PTPRN2: variants seen among roughly 807,000 people sequenced by gnomAD.
PTPRN2 encodes the protein receptor-type tyrosine-protein phosphatase N2.
PTPRN2 carries 74 observed loss-of-function variants against 118.8 expected under a neutral mutation model. The ratio of observed to expected loss-of-function variants is 0.62; its 90% CI spans 0.52 to 0.76. The LOEUF (loss-of-function observed/expected upper bound fraction) is 0.76. PTPRN2 is among the 30% of genes least tolerant of loss of function. PTPRN2 has a pLI of 0.00. For synonymous variants in PTPRN2, 641 were observed against 608.0 expected (o/e 1.05, Z -0.80); for missense variants, 1,481 against 1,394.4 (o/e 1.06, Z -0.99).
At chr7:158,128,969 T>G (rs978665457) in intron 9 of PTPRN2, among the ~76,000 whole-genome samples, 5 of 147,402 alleles carry the variant, frequency 3.4e-5, no homozygotes, top group Non-Finnish European at 5.9e-5. Context: ...ACACACAACA[T>G]ACCCCACACC....
chr7:158,329,559 T>G (rs1385288268), intron 2 of PTPRN2, among the ~76,000 whole-genome samples: 1 of 152,176 alleles, frequency 6.6e-6, no homozygotes, highest in Non-Finnish European at 1.5e-5. Context: ...AGGAGGGGAC[T>G]CGCCAGACAC....
intron 12 of PTPRN2, among the ~76,000 whole-genome samples, chr7:157,800,154 A>G (rs1378560691): frequency 4.7e-5 from 7 of 147,930 alleles, no homozygotes; most frequent in Non-Finnish European, 8.9e-5. Context: ...CGGCCTCCCC[A>G]TCCCTCAGAG....
chr7:157,630,041 A>G (rs1803844166), intron 14 of PTPRN2, among the ~76,000 whole-genome samples: 1 of 152,224 alleles, frequency 6.6e-6, no homozygotes, highest in Non-Finnish European at 1.5e-5. Context: ...GGAAATATTC[A>G]TGTTAAATTT....
At chr7:158,074,519 A>G (rs1812197003) in intron 11 of PTPRN2, among the ~76,000 whole-genome samples, 1 of 152,156 alleles carries the variant, frequency 6.6e-6, no homozygotes, top group South Asian at 2.1e-4. Flanking sequence ...TGGCATTTCT[A>G]TGGGTGTTTA....
intron 12 of PTPRN2, among the ~76,000 whole-genome samples, chr7:157,722,845 C>T (rs927767909): frequency 1.3e-5 from 2 of 152,066 alleles, no homozygotes; most frequent in African/African-American, 2.4e-5. Flanking sequence ...TCTGCTCCCA[C>T]GGGTTCGATG....
intron 2 of PTPRN2, among the ~76,000 whole-genome samples, chr7:158,486,889 T>C (rs1586781936): frequency 6.6e-6 from 1 of 152,208 alleles, no homozygotes; most frequent in Non-Finnish European, 1.5e-5. Context: ...CCAGAACTCT[T>C]CCATCGTCCC....
chr7:158,135,336 C>T (rs1351316200), intron 8 of PTPRN2, among the ~76,000 whole-genome samples: 1 of 152,136 alleles, frequency 6.6e-6, no homozygotes, highest in African/African-American at 2.4e-5. Context: ...AAACACTGCT[C>T]AAATTTGGAT....
intron 12 of PTPRN2, among the ~76,000 whole-genome samples, chr7:157,697,580 C>T (rs769053607): frequency 2.3e-5 from 3 of 129,814 alleles, no homozygotes; most frequent in East Asian, 2.4e-4. Context: ...TGGGTCTTGG[C>T]AGAGCCCTCA....
intron 11 of PTPRN2, among the ~76,000 whole-genome samples, chr7:157,979,891 CCAGAG>C (rs1236137391): frequency 6.6e-6 from 1 of 152,182 alleles, no homozygotes; most frequent in African/African-American, 2.4e-5. Flanking sequence ...AGTCCCAGAG[CCAGAG>C]CCCCCGACTG....
intron 1 of PTPRN2, among the ~76,000 whole-genome samples, chr7:158,534,401 T>C (rs575368841): frequency 6.6e-6 from 1 of 151,568 alleles, no homozygotes; most frequent in East Asian, 2.0e-4. Flanking sequence ...GTGCAGGTTG[T>C]GACCACCCAT....
chr7:158,469,093 C>T (rs1733141), intron 2 of PTPRN2, among the ~76,000 whole-genome samples: 93,361 of 138,184 alleles, frequency 0.68, 31,857 homozygotes, highest in Admixed American at 0.76. Context: ...CTATGCACAC[C>T]CATGCACACT....
intron 16 of PTPRN2, among the ~76,000 whole-genome samples, chr7:157,597,118 G>C (rs375279035): frequency 6.6e-6 from 1 of 152,194 alleles, no homozygotes; most frequent in African/African-American, 2.4e-5. Context: ...CCATAAAAGA[G>C]GGGCGAGCAT....
intron 1 of PTPRN2, among the ~76,000 whole-genome samples, chr7:158,549,439 C>G (rs1826502240): frequency 6.6e-6 from 1 of 152,242 alleles, no homozygotes; most frequent in Non-Finnish European, 1.5e-5. Context: ...CCCCTGAACC[C>G]CAGGGATGGC....
intron 11 of PTPRN2, among the ~76,000 whole-genome samples, chr7:158,053,071 GCA>G (rs932009251): frequency 6.6e-6 from 1 of 152,202 alleles, no homozygotes; most frequent in African/African-American, 2.4e-5. Context: ...ACCCCCAGAA[GCA>G]CAGTCTCTCT....
In PTPRN2 at chr7:157,874,449, C is replaced by T. The variant is rs1258492468; in HGVS notation, c.1788+24224G>A. Among the ~76,000 whole-genome samples, 1 of 152,256 alleles carries T rather than the reference C, an allele frequency of 6.6e-6. No homozygotes were observed. The highest frequency in any genetic ancestry group is 2.4e-5 in the African/African-American group (1 of 41,468). The stretch of plus-strand genomic sequence containing the variant: ...CCGATCCTGCCTCTGCTTCTGTCCA[C>T]ATGGCCCCAGCCACAGTGCCTTCCT... On this transcript the variant is annotated intron_variant, in intron 12 of 22. Transcript: ENST00000389418. The surrounding 1 kb of genome is among the most constrained non-coding windows in gnomAD (Gnocchi z 5.8).
chr7:157,685,815 C>A (rs1317681376), intron 12 of PTPRN2, among the ~76,000 whole-genome samples: 1 of 152,192 alleles, frequency 6.6e-6, no homozygotes, highest in Non-Finnish European at 1.5e-5. Context: ...TCCCAGGAGT[C>A]CCCGGAGGGG....
At chr7:158,035,005 T>C (rs1479972744) in intron 11 of PTPRN2, among the ~76,000 whole-genome samples, 1 of 152,258 alleles carries the variant, frequency 6.6e-6, no homozygotes, top group Non-Finnish European at 1.5e-5. Flanking sequence ...CTGGGATCAA[T>C]TTAGTAAATT....
At position 157,813,105 on chromosome 7, in the gene PTPRN2, G is replaced by A. The variant is rs370423316; in HGVS notation, c.1788+85568C>T. 4.0e-4 allele frequency among the ~76,000 whole-genome samples: 61 copies of A among 152,202 alleles called. 1 individual carries two copies. The East Asian group carries it at 7.5e-3, about 19-fold the overall frequency. On this transcript the variant is annotated intron_variant, in intron 12 of 22. Transcript: ENST00000389418. The surrounding 1 kb of genome is among the most constrained non-coding windows in gnomAD (Gnocchi z 4.7). ...CCGTGTATCTGCAAAGACCTGTGCC[G>A]TGCTAAAACCACACGCATGGCAGCC...
At chr7:158,265,081 T>C (rs113263787) in intron 3 of PTPRN2, among the ~76,000 whole-genome samples, 1,629 of 152,082 alleles carry the variant, frequency 0.011, 34 homozygotes, top group African/African-American at 0.037. Context: ...CTGCTCCAGG[T>C]AGGCTACCTC....
Sources: allele counts gnomAD v4.1 joint callset (sites outside exome capture counted in the v4.1 genomes callset), GRCh38; gene constraint gnomAD v4.1.1; non-coding constraint Gnocchi (gnomAD v3.1); transcripts MANE v1.5; gene names NCBI Gene and HGNC (gene_info 2026-07-23, HGNC 2026-07-21).